Variants in PPP1R13B observed in about 807,000 individuals in gnomAD.
The protein encoded by PPP1R13B is protein phosphatase 1 regulatory subunit 13B, also known as apoptosis-stimulating of p53 protein 1.
Under a neutral mutation model 119.8 loss-of-function variants are expected in PPP1R13B, and 44 were observed. The observed-to-expected ratio is 0.37, with a 90% CI of 0.29 to 0.47. PPP1R13B has a LOEUF of 0.47. Ranked by LOEUF, PPP1R13B falls within the 20% of genes least tolerant of loss-of-function variation. PPP1R13B has a pLI of 0.99. For missense variants in PPP1R13B, 1,227 were observed against 1,413.5 expected (o/e 0.87, Z 2.12); for synonymous variants, 542 against 561.5 (o/e 0.97, Z 0.49).
At chr14:103,785,162 A>G (rs574922663) in intron 2 of PPP1R13B, among the ~76,000 whole-genome samples, 24 of 152,212 alleles carry the variant, frequency 1.6e-4, no homozygotes, top group Non-Finnish European at 2.6e-4. Context: ...TTAAATAGGG[A>G]ACACTGAAAC....
rs1205435424 is a variant in PPP1R13B, at chr14:103,742,163, C to T, written c.1449G>A (p.Lys483=). 6.2e-7 allele frequency: 1 copy of T among 1,609,728 alleles called. No individual in the cohort carries two copies. Among genetic ancestry groups the T allele is most frequent in the East Asian group, 2.2e-5 (1 of 44,884 alleles). The stretch of plus-strand genomic sequence containing the variant: ...CACTGGGCCTGGGCAAGCTGCCTTC[C>T]TTCCTCCTTTCCAGGGAGCTTGTCG... The part of the protein sequence containing the change: ...PGSTSSLERR[K]EGSLPRPSAG... Residue 483 remains lysine, a synonymous_variant, in exon 11 of 17, where the codon AAG becomes AAA. Coordinates refer to ENST00000202556, the MANE Select transcript of PPP1R13B (RefSeq NM_015316.3). This position sits in a 1 kb window ranked among gnomAD's most constrained non-coding sequence, Gnocchi z 4.9.
chr14:103,842,958 C>T (rs1345791968), intron 1 of PPP1R13B, among the ~76,000 whole-genome samples: 1 of 152,102 alleles, frequency 6.6e-6, no homozygotes, highest in Non-Finnish European at 1.5e-5. Flanking sequence ...GCCTGGGCAA[C>T]AGAGTGAGAT....
At chr14:103,735,304 AC>A in intron 16 of PPP1R13B, 109 bp from the exon 17 acceptor site, 1 of 1,034,080 alleles carries the variant, frequency 9.7e-7, no homozygotes, top group East Asian at 2.4e-5. Context: ...GCCGTGCAGC[AC>A]CCTTGTCCCT....
chr14:103,822,551 C>CGCCTGTAATCCCA (rs1249634735), intron 1 of PPP1R13B, among the ~76,000 whole-genome samples: 1 of 152,206 alleles, frequency 6.6e-6, no homozygotes, highest in Non-Finnish European at 1.5e-5. Flanking sequence ...CGGTGGCTCA[C>CGCCTGTAATCCCA]GCCTGTAATC....
At chr14:103,788,733 T>A (rs995781376) in intron 2 of PPP1R13B, among the ~76,000 whole-genome samples, 2 of 151,622 alleles carry the variant, frequency 1.3e-5, no homozygotes, top group African/African-American at 4.9e-5. Flanking sequence ...TACAGAAACC[T>A]AGAGTTCCGT....
rs74086462 is a variant in PPP1R13B at position 103,837,298 on chromosome 14, A to C, written c.9+10001T>G. ...ACATAGGCAAAAAGTTTTATTTAAC[A>C]TATCTATTTTACCTTAAGATTTAAG... On this transcript the variant is annotated intron_variant, in intron 1 of 16. Coordinates refer to ENST00000202556, the MANE Select transcript of PPP1R13B (RefSeq NM_015316.3). Among the ~76,000 whole-genome samples the C allele has an allele frequency of 5.0e-3, 761 of 152,314 alleles. 8 individuals carry two copies. The highest frequency in any genetic ancestry group is 0.017 in the African/African-American group (723 of 41,568).
chr14:103,761,274 T>A (rs1347143930), intron 4 of PPP1R13B, among the ~76,000 whole-genome samples: 2 of 104,750 alleles, frequency 1.9e-5, no homozygotes, highest in African/African-American at 3.9e-5. Context: ...ACCCTATATT[T>A]AAAAAAAAAA....
intron 3 of PPP1R13B, among the ~76,000 whole-genome samples, chr14:103,782,276 T>C (rs1049565026): frequency 6.6e-6 from 1 of 152,238 alleles, no homozygotes. Flanking sequence ...CCATGCTTAA[T>C]TCATGTAACA....
Position 103,806,870 on chromosome 14 carries a change from G to C in PPP1R13B, c.10-9352C>G, listed in dbSNP as rs113243909. 6.0e-3 allele frequency among the ~76,000 whole-genome samples: 917 copies of C among 152,240 alleles called. 13 individuals carry two copies. Among genetic ancestry groups the C allele is most frequent in the African/African-American group, 0.021 (881 of 41,538 alleles). ...ACTCGTCTCCCTGGCTACTACCCAA[G>C]CCCGAGCCACCACCACCTCTCAGAA... is the stretch of plus-strand genomic sequence containing the variant. On this transcript the variant is annotated intron_variant, in intron 1 of 16. Coordinates refer to ENST00000202556, the MANE Select transcript of PPP1R13B (RefSeq NM_015316.3).
intron 1 of PPP1R13B, among the ~76,000 whole-genome samples, chr14:103,838,721 T>C (rs557903174): frequency 5.9e-5 from 9 of 152,344 alleles, no homozygotes; most frequent in South Asian, 2.1e-4. Flanking sequence ...ACATATTTAC[T>C]GAGCATTTAC....
intron 1 of PPP1R13B, among the ~76,000 whole-genome samples, chr14:103,838,859 T>C (rs1301324972): frequency 1.3e-5 from 2 of 152,196 alleles, no homozygotes; most frequent in African/African-American, 4.8e-5. Flanking sequence ...AGCCCACAAA[T>C]GGCAATGCCA....
intron 1 of PPP1R13B, among the ~76,000 whole-genome samples, chr14:103,798,086 A>G (rs1287396701): frequency 2.0e-5 from 3 of 152,010 alleles, no homozygotes; most frequent in Non-Finnish European, 4.4e-5. Flanking sequence ...GTTTCAAACT[A>G]TGACTCAAAA....
chr14:103,842,259 C>T (rs1240753738), intron 1 of PPP1R13B, among the ~76,000 whole-genome samples: 2 of 151,810 alleles, frequency 1.3e-5, no homozygotes, highest in African/African-American at 4.8e-5. Flanking sequence ...AAGTTAGGTG[C>T]CCCATTGCTA....
intron 16 of PPP1R13B, among the ~76,000 whole-genome samples, chr14:103,735,529 C>G (rs911876112): frequency 6.6e-6 from 1 of 152,222 alleles, no homozygotes; most frequent in Non-Finnish European, 1.5e-5. Context: ...GTTGGCTCAA[C>G]AGCAAGCCCC....
Position 103,847,311 on chromosome 14 carries a change from G to C in PPP1R13B, c.-4C>G. ...CGCCCTCACCCACCGGCATCATCGC[G>C]GGGAGAGTCCGCGACGCCCTCGGCC... On this transcript the variant is annotated 5_prime_UTR_variant, in exon 1 of 17. Transcript: ENST00000202556. The C allele has an allele frequency of 2.5e-6, 3 of 1,213,734 alleles. No homozygotes were observed. The highest frequency in any genetic ancestry group is 3.1e-6 in the Non-Finnish European group (3 of 955,388). The allele number at this position is 1,213,734 out of a possible 1,614,324, so 75.2% of individuals were successfully genotyped here.
At chr14:103,750,569 G>A (rs996106857) in intron 7 of PPP1R13B, among the ~76,000 whole-genome samples, 10 of 152,306 alleles carry the variant, frequency 6.6e-5, no homozygotes, top group African/African-American at 2.2e-4. Flanking sequence ...GGTGGCTCAC[G>A]CCTGTAATCC....
intron 1 of PPP1R13B, among the ~76,000 whole-genome samples, chr14:103,821,810 T>C (rs1252376943): frequency 6.6e-6 from 1 of 151,794 alleles, no homozygotes; most frequent in African/African-American, 2.4e-5. Flanking sequence ...ACAAAATAGA[T>C]CTATAATATG....
intron 1 of PPP1R13B, among the ~76,000 whole-genome samples, chr14:103,807,596 G>C (rs1039907129): frequency 1.4e-4 from 22 of 151,992 alleles, no homozygotes; most frequent in Non-Finnish European, 2.6e-4. Context: ...CCGGGTTCAC[G>C]CCATTCTCCT....
intron 2 of PPP1R13B, among the ~76,000 whole-genome samples, chr14:103,794,150 T>C (rs539001466): frequency 7.2e-5 from 11 of 152,262 alleles, no homozygotes; most frequent in African/African-American, 2.4e-4. Flanking sequence ...AATAAATTAC[T>C]GTTGTTTAAG....
Sources: gnomAD v4.1 joint callset for allele counts (sites outside exome capture counted in the v4.1 genomes callset) on GRCh38, gnomAD v4.1.1 for gene constraint, Gnocchi (gnomAD v3.1) non-coding constraint, MANE v1.5 for transcripts, NCBI Gene and HGNC (gene_info 2026-07-23, HGNC 2026-07-21) for gene names.